ABCA13: variants seen among roughly 807,000 people sequenced by gnomAD.
ABCA13 encodes ATP binding cassette subfamily A member 13.
A neutral mutation model predicts 478.7 loss-of-function variants in ABCA13; 476 were observed. That is an observed-to-expected ratio of 0.99 (90% CI 0.92 to 1.07). ABCA13 has a LOEUF of 1.07. ABCA13 is among the 50% of genes least tolerant of loss of function. The pLI is 0.00. For synonymous variants in ABCA13, 2,252 were observed against 2,158.9 expected (o/e 1.04, Z -1.20); for missense variants, 6,060 against 5,910.6 (o/e 1.03, Z -0.83).
At chr7:48,180,813 G>C (rs1388935152) in intron 1 of ABCA13, among the ~76,000 whole-genome samples, 1 of 152,116 alleles carries the variant, frequency 6.6e-6, no homozygotes, top group East Asian at 1.9e-4. Context: ...GAGGCAGGAG[G>C]ATCGCTTCAG....
intron 20 of ABCA13, among the ~76,000 whole-genome samples, chr7:48,293,274 T>C (rs1312083747): frequency 6.7e-6 from 1 of 148,416 alleles, no homozygotes; most frequent in Non-Finnish European, 1.5e-5. Flanking sequence ...AGAGCTTAGC[T>C]CCCAACCTTG....
At chr7:48,494,256 C>T (rs1201040029) in intron 48 of ABCA13, among the ~76,000 whole-genome samples, 1 of 152,054 alleles carries the variant, frequency 6.6e-6, no homozygotes, top group Non-Finnish European at 1.5e-5. Flanking sequence ...TCCTGCTTTG[C>T]TTTTGATGAA....
Position 48,272,263 on chromosome 7 carries a change from TTC to T in ABCA13, c.2599_2600del (p.Leu867GlufsTer5). 6.2e-7 allele frequency: 1 copy of T among 1,613,312 alleles called. No homozygotes were observed. The highest frequency in any genetic ancestry group is 8.5e-7 in the Non-Finnish European group (1 of 1,179,650). ...AATTTTTCTGTTCCAGAAAATGAGA[TTC>T]TGAGTACAAGTTTTAACTTTTCCCA... On this transcript the variant is annotated frameshift_variant, in exon 17 of 62. Coordinates refer to ENST00000435803, the MANE Select transcript of ABCA13 (RefSeq NM_152701.5). LOFTEE classifies it high-confidence loss of function.
rs375013726 is a variant in ABCA13, at chr7:48,615,414, A to G, written c.14837+37A>G. 166 of 1,516,204 alleles carry G rather than the reference A, an allele frequency of 1.1e-4. 1 individual carries two copies. The African/African-American group carries it at 2.0e-3, about 19-fold the overall frequency. The allele number at this position is 1,516,204 out of a possible 1,614,324, so 93.9% of individuals were successfully genotyped here. On this transcript the variant is annotated intron_variant, in intron 59 of 61. Transcript: ENST00000435803. ...TTCTCCTTTTGCTTAGATATTTACTATGAAATCAATAGCATGATGCAGGGT... is the reference window on the plus strand; with the variant it reads ...TTCTCCTTTTGCTTAGATATTTACTGTGAAATCAATAGCATGATGCAGGGT...
chr7:48,252,658 CTCTT>C (rs1392577984), intron 15 of ABCA13, among the ~76,000 whole-genome samples: 1 of 152,198 alleles, frequency 6.6e-6, no homozygotes, highest in Non-Finnish European at 1.5e-5. Context: ...TAATCTCTCT[CTCTT>C]TGCTAATATT....
rs11489722 is a variant in ABCA13, at chr7:48,294,449, T to G, written c.8956-1251T>G. On this transcript the variant is annotated intron_variant, in intron 20 of 61. Transcript: ENST00000435803. ...GGTTTTTTTTTTTTTTTTGTTTTGT[T>G]TTTTTTTTGAGACGGAGTCTCGCTC... Among the ~76,000 whole-genome samples, 212 of 146,816 alleles carry G rather than the reference T, an allele frequency of 1.4e-3. 2 individuals carry two copies. The highest frequency in any genetic ancestry group is 5.3e-3 in the African/African-American group (207 of 39,250).
At chr7:48,177,004 T>C (rs1429543931) in intron 1 of ABCA13, among the ~76,000 whole-genome samples, 1 of 152,218 alleles carries the variant, frequency 6.6e-6, no homozygotes, top group African/African-American at 2.4e-5. Flanking sequence ...TGTCTATTAC[T>C]GAAATCAGGT....
intron 15 of ABCA13, among the ~76,000 whole-genome samples, chr7:48,262,030 A>T (rs1794252070): frequency 6.6e-6 from 1 of 151,996 alleles, no homozygotes; most frequent in Non-Finnish European, 1.5e-5. Flanking sequence ...CTTACACAAT[A>T]GAATTCTTGA....
At chr7:48,322,644 C>T (rs1388216423) in intron 27 of ABCA13, among the ~76,000 whole-genome samples, 1 of 152,236 alleles carries the variant, frequency 6.6e-6, no homozygotes, top group African/African-American at 2.4e-5. Flanking sequence ...TGCCTTTGTT[C>T]CTGGAGCTTA....
At chr7:48,485,814 G>A (rs2130621047) in intron 47 of ABCA13, among the ~76,000 whole-genome samples, 1 of 152,288 alleles carries the variant, frequency 6.6e-6, no homozygotes, top group Non-Finnish European at 1.5e-5. Context: ...AATTTGGGAT[G>A]CTCTTTATCC....
At chr7:48,522,483 C>A (rs1223599359) in intron 53 of ABCA13, among the ~76,000 whole-genome samples, 1 of 152,156 alleles carries the variant, frequency 6.6e-6, no homozygotes, top group Non-Finnish European at 1.5e-5. Context: ...TTGGAACAGC[C>A]ACACTGTTCA....
At chr7:48,352,566 T>C in intron 31 of ABCA13, 79 bp downstream of exon 31, 1 of 1,416,240 alleles carries the variant, frequency 7.1e-7, no homozygotes, top group East Asian at 2.5e-5. Context: ...AACTCAGTTT[T>C]TCTATGGTTA....
rs763631755 is a variant in ABCA13 at position 48,349,073 on chromosome 7, A to G, written c.10205-1570A>G. ...TATACTTTAAAATGAACATGCCACT[A>G]GCAATTCCCTATAGATATAAGGGTT... On this transcript the variant is annotated intron_variant, in intron 29 of 61. Transcript: ENST00000435803. Among the ~76,000 whole-genome samples, 2 of 152,244 alleles carry G rather than the reference A, an allele frequency of 1.3e-5. 1 individual carries two copies. The highest frequency in any genetic ancestry group is 2.9e-5 in the Non-Finnish European group (2 of 68,050).
In ABCA13 at chr7:48,624,056, T is replaced by C. The variant is rs373758839; in HGVS notation, c.14837+8679T>C. Among the ~76,000 whole-genome samples, 1,047 of 128,094 alleles carry C rather than the reference T, an allele frequency of 8.2e-3. 12 individuals are homozygous for C. The highest frequency in any genetic ancestry group is 0.031 in the African/African-American group (966 of 30,962). The allele number at this position is 128,094 out of a possible 152,430, so 84.0% of individuals were successfully genotyped here. On this transcript the variant is annotated intron_variant, in intron 59 of 61. Coordinates refer to ENST00000435803, the MANE Select transcript of ABCA13 (RefSeq NM_152701.5). ...CATGAGTTTACGTGTGAGCACATGA[T>C]AGAGTGTGTGTGTGTGTGTGTGTGT...
At chr7:48,298,143 C>T (rs1320370008) in intron 22 of ABCA13, among the ~76,000 whole-genome samples, 1 of 152,002 alleles carries the variant, frequency 6.6e-6, no homozygotes, top group East Asian at 1.9e-4. Context: ...GAGAGTAGAC[C>T]AGTAACCAGA....
At chr7:48,565,673 A>C (rs1786979545) in intron 55 of ABCA13, among the ~76,000 whole-genome samples, 1 of 152,158 alleles carries the variant, frequency 6.6e-6, no homozygotes, top group Non-Finnish European at 1.5e-5. Flanking sequence ...ACAAAGAAGA[A>C]GGTAAAAACA....
At chr7:48,350,574 C>T in intron 29 of ABCA13, 69 bp from the exon 30 acceptor site, 1 of 1,408,822 alleles carries the variant, frequency 7.1e-7, no homozygotes, top group Non-Finnish European at 9.5e-7. Context: ...GCACAATCTC[C>T]ACTATATGAG....
chr7:48,366,193 G>A (rs1811641620), intron 31 of ABCA13, among the ~76,000 whole-genome samples: 1 of 152,022 alleles, frequency 6.6e-6, no homozygotes, highest in Non-Finnish European at 1.5e-5. Context: ...AGGACCTGAT[G>A]GCTTCACTGT....
chr7:48,601,721 C>T (rs1303563542), intron 58 of ABCA13, among the ~76,000 whole-genome samples: 4 of 152,112 alleles, frequency 2.6e-5, no homozygotes, highest in African/African-American at 9.7e-5. Context: ...AATCTGTAAT[C>T]CTTTGGGTAT....
Sources: gnomAD v4.1 joint callset for allele counts (sites outside exome capture counted in the v4.1 genomes callset) on GRCh38, gnomAD v4.1.1 for gene constraint, MANE v1.5 for transcripts, NCBI Gene and HGNC (gene_info 2026-07-23, HGNC 2026-07-21) for gene names.